RNF157: variants seen among roughly 807,000 people sequenced by gnomAD.
The protein encoded by RNF157 is ring finger protein 157.
A neutral mutation model predicts 88.3 loss-of-function variants in RNF157; 55 were observed. That is an observed-to-expected ratio of 0.62 (90% CI 0.50 to 0.78). The LOEUF is 0.78. Among genes scored for constraint, RNF157 ranks in the 30% least tolerant of loss-of-function variants. The pLI is 0.00. For synonymous variants in RNF157, 334 were observed against 341.2 expected (o/e 0.98, Z 0.23); for missense variants, 788 against 860.8 (o/e 0.92, Z 1.06).
In RNF157 at chr17:76,161,798, G is replaced by A; in HGVS notation, c.952+45C>T. The A allele has an allele frequency of 6.3e-7, 1 of 1,599,756 alleles. No homozygotes were observed. The highest frequency in any genetic ancestry group is 8.5e-7 in the Non-Finnish European group (1 of 1,169,992). On this transcript the variant is annotated intron_variant, in intron 10 of 18. Coordinates refer to ENST00000269391, the MANE Select transcript of RNF157 (RefSeq NM_052916.3). The surrounding 1 kb of genome is among the most constrained non-coding windows in gnomAD (Gnocchi z 4.6). ...TTCAGTGTTTTGTAAATGTCCTCTT[G>A]TCCCCTCTCCCACCCACCAGTCCCC...
At chr17:76,196,622 T>C (rs906491986) in intron 2 of RNF157, among the ~76,000 whole-genome samples, 4 of 151,586 alleles carry the variant, frequency 2.6e-5, no homozygotes, top group African/African-American at 9.7e-5. Context: ...TGTACGGGAG[T>C]GTAGTCATGT....
intron 2 of RNF157, among the ~76,000 whole-genome samples, chr17:76,203,941 G>T (rs2069633806): frequency 6.6e-6 from 1 of 151,218 alleles, no homozygotes; most frequent in Non-Finnish European, 1.5e-5. Flanking sequence ...CTAATTTTTT[G>T]TATTTTTAGT....
At position 76,145,216 on chromosome 17, in the gene RNF157, C is replaced by G; in HGVS notation, c.*19G>C. 1 of 1,525,576 alleles carries G rather than the reference C, an allele frequency of 6.6e-7. No individual in the cohort carries two copies. The highest frequency in any genetic ancestry group is 9.0e-7 in the Non-Finnish European group (1 of 1,105,450). The allele number at this position is 1,525,576 out of a possible 1,614,324, so 94.5% of individuals were successfully genotyped here. A position where few individuals can be genotyped will look rare whatever the true frequency, so the allele number is the denominator to read the frequency against. On this transcript the variant is annotated 3_prime_UTR_variant, in exon 19 of 19. Transcript: ENST00000269391. ...TGGAATGCAGGGCAGGAGGGGAGCC[C>G]AAGTGCAGAGGCTGGGGCTCAGACA... is the stretch of plus-strand genomic sequence containing the variant.
chr17:76,194,573 G>T (rs1568053873), intron 2 of RNF157, among the ~76,000 whole-genome samples: 2 of 152,178 alleles, frequency 1.3e-5, no homozygotes, highest in Non-Finnish European at 2.9e-5. Flanking sequence ...AGTCTCTATA[G>T]AAATGGCCTA....
chr17:76,178,220 C>G (rs2069135370), intron 2 of RNF157, among the ~76,000 whole-genome samples: 1 of 152,256 alleles, frequency 6.6e-6, no homozygotes, highest in Non-Finnish European at 1.5e-5. Flanking sequence ...GGGAGCTGCC[C>G]AAGCCAGGGC....
chr17:76,152,627 C>T (rs571665084), intron 17 of RNF157, 162 bp from the exon 18 acceptor site: 3 of 586,090 alleles, frequency 5.1e-6, no homozygotes, highest in South Asian at 1.9e-5. Context: ...AAAGGAATCA[C>T]GTTGTGTGGG....
At chr17:76,215,927 C>A (rs2069880814) in intron 1 of RNF157, among the ~76,000 whole-genome samples, 1 of 152,178 alleles carries the variant, frequency 6.6e-6, no homozygotes, top group African/African-American at 2.4e-5. Context: ...ATGTCTGGCA[C>A]TTGCTAGCCC....
chr17:76,161,991 G>A lies in RNF157; in HGVS notation c.804C>T (p.Asp268=), dbSNP rs950144604. 1 of 1,613,430 alleles carries A rather than the reference G, an allele frequency of 6.2e-7. No homozygotes were observed. Among genetic ancestry groups the A allele is most frequent in the Admixed American group, 1.7e-5 (1 of 59,974 alleles). The stretch of plus-strand genomic sequence containing the variant: ...ACTCGGCACTGTTATCACTCACTTC[G>A]TCTTCAGCCACCTGGCCAAGGAGAA... ...YNTQDSKVAE[D]EVSDNSAECV... Residue 268 remains aspartate, a synonymous_variant, in exon 10 of 19, where the codon GAC becomes GAT. Transcript: ENST00000269391. This position sits in a 1 kb window ranked among gnomAD's most constrained non-coding sequence, Gnocchi z 4.6.
chr17:76,184,243 A>T (rs992591960), intron 2 of RNF157, among the ~76,000 whole-genome samples: 3 of 151,902 alleles, frequency 2.0e-5, no homozygotes, highest in Non-Finnish European at 4.4e-5. Flanking sequence ...GCAGACATTT[A>T]ATATTTATGC....
Position 76,213,282 on chromosome 17 carries a change from A to C in RNF157, c.89-800T>G, listed in dbSNP as rs187876714. ...GAATGCAACTCTTAAAATCCTTGGA[A>C]TATCCAGGCCGGCATGGTGGCTCAT... On this transcript the variant is annotated intron_variant, in intron 1 of 18. Transcript: ENST00000269391. Among the ~76,000 whole-genome samples, 13 of 152,128 alleles carry C rather than the reference A, an allele frequency of 8.5e-5. No homozygotes were observed. The East Asian group carries it at 2.3e-3, about 27-fold the overall frequency.
chr17:76,206,765 C>T (rs1056205834), intron 2 of RNF157, among the ~76,000 whole-genome samples: 1 of 152,096 alleles, frequency 6.6e-6, no homozygotes, highest in Non-Finnish European at 1.5e-5. Context: ...CAAGAGTGAA[C>T]CTTTGTCTCA....
intron 1 of RNF157, among the ~76,000 whole-genome samples, chr17:76,213,946 C>A (rs928456886): frequency 6.6e-6 from 1 of 152,168 alleles, no homozygotes; most frequent in African/African-American, 2.4e-5. Context: ...TCTCACATAA[C>A]CTCGCCCTAT....
chr17:76,165,372 CTTTCACCA>C (rs2068906510), intron 7 of RNF157, 122 bp downstream of exon 7: 2 of 884,970 alleles, frequency 2.3e-6, no homozygotes, highest in Non-Finnish European at 1.9e-6. Context: ...ACTGCAACCT[CTTTCACCA>C]TTATAGCCTC....
intron 1 of RNF157, among the ~76,000 whole-genome samples, chr17:76,238,829 C>T (rs1306977189): frequency 6.6e-6 from 1 of 152,190 alleles, no homozygotes; most frequent in East Asian, 1.9e-4. Context: ...TCAGTCAGAG[C>T]TTTATTAAAA....
At chr17:76,162,470 C>A in intron 9 of RNF157, 82 bp downstream of exon 9, 2 of 982,552 alleles carry the variant, frequency 2.0e-6, no homozygotes, top group South Asian at 1.4e-5. Flanking sequence ...GAGTTTGGCA[C>A]GCTAAATTTC....
At chr17:76,152,786 G>A (rs1480266952) in intron 17 of RNF157, among the ~76,000 whole-genome samples, 1 of 152,226 alleles carries the variant, frequency 6.6e-6, no homozygotes, top group Non-Finnish European at 1.5e-5. Flanking sequence ...GGCCAGGCTG[G>A]TGAGGCTGCG....
rs964664448 is a variant in RNF157 at position 76,158,456 on chromosome 17, C to G, written c.1350G>C (p.Glu450Asp). 3 of 1,613,894 alleles carry G rather than the reference C, an allele frequency of 1.9e-6. No individual in the cohort carries two copies. Among genetic ancestry groups the G allele is most frequent in the African/African-American group, 2.7e-5 (2 of 74,914 alleles). The change falls in exon 13 of 19, where the codon GAG (glutamate) becomes GAC (aspartate). Residue 450 changes from glutamate (E) to aspartate (D), a missense_variant. Coordinates refer to ENST00000269391, the MANE Select transcript of RNF157 (RefSeq NM_052916.3). The stretch of plus-strand genomic sequence containing the variant: ...GTGTCTCCGACTCGCTGCAGGAATG[C>G]TCATCTTCCTCTTCATGCAGCACGG... The part of the protein sequence containing the change: ...NSSVLHEEED[E>D]HSCSESETQL...
chr17:76,146,824 C>A lies in RNF157; in HGVS notation c.1922-1471G>T, dbSNP rs894699763. On this transcript the variant is annotated intron_variant, in intron 18 of 18. Transcript: ENST00000269391. The surrounding 1 kb of genome is among the most constrained non-coding windows in gnomAD (Gnocchi z 4.2). The stretch of plus-strand genomic sequence containing the variant: ...GACCTGTTCAGCGGACAAGGCCGAC[C>A]AACTGTAGAGTGTGGCCGTGAGGTT... 1 of 985,334 alleles carries A rather than the reference C, an allele frequency of 1.0e-6. No individual in the cohort carries two copies. The highest frequency in any genetic ancestry group is 1.2e-6 in the Non-Finnish European group (1 of 829,936). 61.0% of individuals were successfully genotyped at this position (985,334 alleles called of 1,614,324 possible). A position where few individuals can be genotyped will look rare whatever the true frequency, so the allele number is the denominator to read the frequency against.
intron 1 of RNF157, among the ~76,000 whole-genome samples, chr17:76,233,169 C>T (rs1277756593): frequency 6.6e-6 from 1 of 152,176 alleles, no homozygotes; most frequent in Non-Finnish European, 1.5e-5. Context: ...ACCCACCTGC[C>T]TCAGCCTCCC....
Sources: allele counts gnomAD v4.1 joint callset (sites outside exome capture counted in the v4.1 genomes callset), GRCh38; gene constraint gnomAD v4.1.1; non-coding constraint Gnocchi (gnomAD v3.1); transcripts MANE v1.5; gene names NCBI Gene and HGNC (gene_info 2026-07-23, HGNC 2026-07-21).